The following SUGCT variants were observed in gnomAD, a reference collection of about 807,000 sequenced individuals.
The protein encoded by SUGCT is succinyl-CoA:glutarate CoA-transferase.
A neutral mutation model predicts 55.0 loss-of-function variants in SUGCT; 41 were observed. The observed-to-expected ratio is 0.74, with a 90% confidence interval of 0.58 to 0.97. SUGCT has a LOEUF of 0.97. Among genes scored for constraint, SUGCT ranks in the 50% least tolerant of loss-of-function variants. SUGCT has a pLI of 0.00. For synonymous variants in SUGCT, 187 were observed against 200.4 expected, an observed-to-expected ratio of 0.93 and a Z score of 0.56; for missense variants, 568 against 547.8, an observed-to-expected ratio of 1.04 and a Z score of -0.37.
At chr7:41,018,493 C>T in the SUGCT span, among the ~76,000 whole-genome samples, 2 of 152,186 alleles carry the variant, frequency 1.3e-5, no homozygotes, top group South Asian at 4.1e-4. Flanking sequence ...GCAGAAGATT[C>T]AAGTCAGATA....
chr7:40,400,755 C>T lies in SUGCT; in HGVS notation c.817-48532C>T, dbSNP rs185829014. 1.3e-3 allele frequency among the ~76,000 whole-genome samples: 204 copies of T among 152,270 alleles called. No homozygotes were observed. The Middle Eastern group carries it at 0.017, about 13-fold the overall frequency. ...TTTCTGTGCTTATGCATTTTGCTTA[C>T]TTTGTACCTTACTTAAGTAATGAGA... On this transcript the variant is annotated intron_variant, in intron 9 of 13. Coordinates refer to ENST00000335693, the MANE Select transcript of SUGCT (RefSeq NM_001193313.2).
chr7:40,891,794 G>T, the SUGCT span, among the ~76,000 whole-genome samples: 1 of 152,140 alleles, frequency 6.6e-6, no homozygotes, highest in Non-Finnish European at 1.5e-5. Context: ...CAGATCATGA[G>T]GTCAGAAGAT....
chr7:40,712,026 C>T (rs1294782487), intron 12 of SUGCT, among the ~76,000 whole-genome samples: 3 of 152,188 alleles, frequency 2.0e-5, no homozygotes, highest in East Asian at 1.9e-4. Context: ...GAGGAAACTG[C>T]GGCTCCGCAA....
At chr7:40,495,686 A>G (rs1016126245) in intron 11 of SUGCT, among the ~76,000 whole-genome samples, 2 of 152,204 alleles carry the variant, frequency 1.3e-5, no homozygotes, top group Non-Finnish European at 2.9e-5. Context: ...ATTTTAAATT[A>G]TAGTAGAAAT....
rs183969189 is a variant in SUGCT at position 40,218,815 on chromosome 7, A to G, written c.485-18820A>G. ...ACCAATCAGCACTCTGTAAAAATGG[A>G]CCAGTCAGCACTGTCTAAAATGGAC... is the stretch of plus-strand genomic sequence containing the variant. On this transcript the variant is annotated intron_variant, in intron 6 of 13. Coordinates refer to ENST00000335693, the MANE Select transcript of SUGCT (RefSeq NM_001193313.2). Among the ~76,000 whole-genome samples, 210 of 152,282 alleles carry G rather than the reference A, an allele frequency of 1.4e-3. 1 individual carries two copies. Among genetic ancestry groups the G allele is most frequent in the African/African-American group, 4.7e-3 (197 of 41,562 alleles).
chr7:40,810,206 G>A lies in SUGCT; in HGVS notation c.1154-50110G>A, dbSNP rs147348662. ...AATGGCACAATCATGGCTCACTGTA[G>A]CCTCAACCTCCCAGGCCCAAGCAAT... On this transcript the variant is annotated intron_variant, in intron 13 of 13. Transcript: ENST00000335693. 3.1e-4 allele frequency among the ~76,000 whole-genome samples: 47 copies of A among 151,784 alleles called. 1 individual carries two copies. In the East Asian group the frequency reaches 8.9e-3, roughly 29 times the overall value.
chr7:40,676,678 T>A (rs1784001925), intron 12 of SUGCT, among the ~76,000 whole-genome samples: 1 of 152,000 alleles, frequency 6.6e-6, no homozygotes, highest in South Asian at 2.1e-4. Context: ...AATTTTTGTA[T>A]TTTTAGTAGA....
chr7:40,968,815 GCT>G, the SUGCT span, among the ~76,000 whole-genome samples: 1 of 152,148 alleles, frequency 6.6e-6, no homozygotes, highest in Non-Finnish European at 1.5e-5. Context: ...CTGTGGCTGA[GCT>G]GCTACAGGAC....
At chr7:40,367,654 G>A (rs1324227655) in intron 9 of SUGCT, among the ~76,000 whole-genome samples, 1 of 152,074 alleles carries the variant, frequency 6.6e-6, no homozygotes, top group African/African-American at 2.4e-5. Context: ...AGAAATTAAT[G>A]CAATATTTAA....
intron 9 of SUGCT, among the ~76,000 whole-genome samples, chr7:40,433,278 T>G (rs1181972471): frequency 1.3e-5 from 2 of 152,218 alleles, no homozygotes; most frequent in East Asian, 3.9e-4. Context: ...TGCCTCTGCT[T>G]CTTTAGGTTT....
chr7:40,610,183 A>G (rs544265479), intron 12 of SUGCT, among the ~76,000 whole-genome samples: 1 of 152,316 alleles, frequency 6.6e-6, no homozygotes, highest in South Asian at 2.1e-4. Flanking sequence ...ATTGCTCTGG[A>G]AGGGAAGTGT....
chr7:40,745,327 T>A (rs1342133845), intron 12 of SUGCT, among the ~76,000 whole-genome samples: 2 of 152,190 alleles, frequency 1.3e-5, no homozygotes, highest in East Asian at 3.8e-4. Context: ...TGGATTTTTA[T>A]TTTTTGCATT....
At chr7:40,579,661 G>A (rs1014125110) in intron 12 of SUGCT, among the ~76,000 whole-genome samples, 10 of 152,156 alleles carry the variant, frequency 6.6e-5, no homozygotes, top group African/African-American at 2.2e-4. Flanking sequence ...AGATTCCAGA[G>A]GGCTTTAGTC....
the SUGCT span, among the ~76,000 whole-genome samples, chr7:41,033,635 A>G: frequency 6.6e-6 from 1 of 152,142 alleles, no homozygotes; most frequent in Admixed American, 6.5e-5. Context: ...AAATGTGCAC[A>G]TGCAGGAATT....
chr7:40,617,475 A>ATGTGTGTG lies in SUGCT; in HGVS notation c.1089+121120_1089+121127dup, dbSNP rs34487309. Among the ~76,000 whole-genome samples, 116 of 143,658 alleles carry ATGTGTGTG rather than the reference A, an allele frequency of 8.1e-4. 1 individual carries two copies. The highest frequency in any genetic ancestry group is 7.1e-3 in the Middle Eastern group (2 of 282). 94.2% of individuals were successfully genotyped at this position (143,658 alleles called of 152,430 possible). The stretch of plus-strand genomic sequence containing the variant: ...TTCTGATTCAACTGGTTAGATTTAT[A>ATGTGTGTG]TGTGTGTGTGTGTGTGTGTGTGTGT... On this transcript the variant is annotated intron_variant, in intron 12 of 13. Coordinates refer to ENST00000335693, the MANE Select transcript of SUGCT (RefSeq NM_001193313.2).
chr7:40,507,671 CTTACTGTTCACT>C (rs928132261), intron 12 of SUGCT, among the ~76,000 whole-genome samples: 4 of 152,274 alleles, frequency 2.6e-5, no homozygotes, highest in African/African-American at 9.6e-5. Flanking sequence ...GTCAGAGCAG[CTTACTGTTCACT>C]CAGTGTTTGG....
intron 9 of SUGCT, among the ~76,000 whole-genome samples, chr7:40,324,378 C>T (rs953421690): frequency 4.6e-5 from 7 of 151,538 alleles, no homozygotes; most frequent in Admixed American, 3.9e-4. Context: ...GCTTCAGCCT[C>T]CCAAGTAGCT....
rs371945593 is a variant in SUGCT at position 40,558,098 on chromosome 7, CAA to C, written c.1089+61724_1089+61725del. The stretch of plus-strand genomic sequence containing the variant: ...CACTCATTGGGATGGCTATTCCATA[CAA>C]AAAAAAAAAAACCAGAAAATAAAAA... On this transcript the variant is annotated intron_variant, in intron 12 of 13. Transcript: ENST00000335693. 7.2e-3 allele frequency among the ~76,000 whole-genome samples: 878 copies of C among 121,696 alleles called. 8 individuals carry two copies. Among genetic ancestry groups the C allele is most frequent in the East Asian group, 0.037 (150 of 4,034 alleles). 79.8% of individuals were successfully genotyped at this position (121,696 alleles called of 152,430 possible). A position where few individuals can be genotyped will look rare whatever the true frequency, so the allele number is the denominator to read the frequency against.
intron 1 of SUGCT, among the ~76,000 whole-genome samples, chr7:40,164,717 G>A (rs913679699): frequency 6.6e-6 from 1 of 152,078 alleles, no homozygotes; most frequent in Non-Finnish European, 1.5e-5. Flanking sequence ...GTGTTAAAGA[G>A]GAATAAAGTG....
Sources: gnomAD v4.1 joint callset for allele counts (sites outside exome capture counted in the v4.1 genomes callset) on GRCh38, gnomAD v4.1.1 for gene constraint, MANE v1.5 for transcripts, NCBI Gene and HGNC (gene_info 2026-07-23, HGNC 2026-07-21) for gene names.